The following NOP58 variants were observed in gnomAD, a reference collection of about 807,000 sequenced individuals.
NOP58 encodes nucleolar protein 58.
In NOP58, 44 loss-of-function variants were observed where a neutral mutation model predicts 71.2. The observed-to-expected ratio is 0.62, with a 90% CI of 0.49 to 0.79. The LOEUF is 0.79. NOP58 is among the 30% of genes least tolerant of loss of function. The pLI, the probability that NOP58 is intolerant of heterozygous loss-of-function variation, is 0.00. For synonymous variants in NOP58, 228 were observed against 200.3 expected, an observed-to-expected ratio of 1.14 and a Z score of -1.17; for missense variants, 538 against 620.2, an observed-to-expected ratio of 0.87 and a Z score of 1.41.
In NOP58 at chr2:202,289,331, C is replaced by G. The variant is rs576683570; in HGVS notation, c.500-992C>G. On this transcript the variant is annotated intron_variant, in intron 6 of 14. Coordinates refer to ENST00000264279, the MANE Select transcript of NOP58 (RefSeq NM_015934.5). ...GCTTGAATGTCCCTAATCTGAAATT[C>G]AAAATGCTCTGAAATCTAAAACTTT... 4.6e-5 allele frequency among the ~76,000 whole-genome samples: 7 copies of G among 152,298 alleles called. No homozygotes were observed. In the South Asian group the frequency reaches 1.4e-3, roughly 32 times the overall value.
chr2:202,283,517 T>G (rs1370348303), intron 4 of NOP58, among the ~76,000 whole-genome samples: 1 of 151,578 alleles, frequency 6.6e-6, no homozygotes, highest in Non-Finnish European at 1.5e-5. Context: ...CTTGGCTCAC[T>G]GCAACCTCCG....
intron 6 of NOP58, among the ~76,000 whole-genome samples, chr2:202,288,939 C>T (rs554379102): frequency 1.4e-4 from 22 of 151,894 alleles, no homozygotes; most frequent in East Asian, 7.7e-4. Context: ...GCTAACATGG[C>T]GAAACCCTGT....
At chr2:202,276,719 T>G (rs1688597481) in intron 2 of NOP58, among the ~76,000 whole-genome samples, 1 of 152,092 alleles carries the variant, frequency 6.6e-6, no homozygotes, top group Non-Finnish European at 1.5e-5. Context: ...ACACCTATAG[T>G]CCTAGCTGCT....
intron 9 of NOP58, among the ~76,000 whole-genome samples, chr2:202,295,200 A>G (rs1488295439): frequency 6.6e-6 from 1 of 152,230 alleles, no homozygotes; most frequent in Non-Finnish European, 1.5e-5. Context: ...GTAATTTACC[A>G]CACAAAGTGA....
chr2:202,295,132 G>A (rs1336564372), intron 9 of NOP58, among the ~76,000 whole-genome samples: 1 of 152,116 alleles, frequency 6.6e-6, no homozygotes, highest in African/African-American at 2.4e-5. Context: ...TTAAAACTTA[G>A]GAACTATTTA....
intron 1 of NOP58, among the ~76,000 whole-genome samples, chr2:202,274,127 G>A (rs938812332): frequency 6.6e-6 from 1 of 152,144 alleles, no homozygotes; most frequent in African/African-American, 2.4e-5. Context: ...CACAATTGAC[G>A]ATAGTTTTAG....
Position 202,288,940 on chromosome 2 carries a change from G to A in NOP58, c.499+1216G>A, listed in dbSNP as rs567939520. 6.6e-5 allele frequency among the ~76,000 whole-genome samples: 10 copies of A among 152,120 alleles called. No individual in the cohort carries two copies. The South Asian group carries it at 1.2e-3, about 19-fold the overall frequency. ...TTGAGAGCAGCCTGGCTAACATGGCGAAACCCTGTCTTTACTAAAAATACA... is the reference window on the plus strand; with the variant it reads ...TTGAGAGCAGCCTGGCTAACATGGCAAAACCCTGTCTTTACTAAAAATACA... On this transcript the variant is annotated intron_variant, in intron 6 of 14. Transcript: ENST00000264279.
chr2:202,272,401 G>A (rs1403649866), intron 1 of NOP58, among the ~76,000 whole-genome samples: 1 of 152,046 alleles, frequency 6.6e-6, no homozygotes. Flanking sequence ...TGATTCGCCC[G>A]CCTCAGCCTC....
Position 202,269,886 on chromosome 2 carries a change from A to G in NOP58, c.45+3900A>G, listed in dbSNP as rs2105835705. 2.6e-5 allele frequency among the ~76,000 whole-genome samples: 4 copies of G among 152,344 alleles called. No homozygotes were observed. In the South Asian group the frequency reaches 8.3e-4, roughly 32 times the overall value. The stretch of plus-strand genomic sequence containing the variant: ...CCATTAGTACGTATAACCATTTCAC[A>G]TGAGATGTAACTGATAGGACTGAGG... On this transcript the variant is annotated intron_variant, in intron 1 of 14. Transcript: ENST00000264279.
At position 202,291,160 on chromosome 2, in the gene NOP58, GAGTTGCTGCCAGAAGA is replaced by G. The variant is rs1459347420; in HGVS notation, c.676_691del (p.Leu226LysfsTer4). On this transcript the variant is annotated frameshift_variant, in exon 8 of 15. Transcript: ENST00000264279. LOFTEE classifies it high-confidence loss of function. ...GAACTATGCCTCTGCCAAGCTTTCT[GAGTTGCTGCCAGAAGA>G]AGTTGAAGCAGAAGTGAAAGCAGCT... 2.5e-6 allele frequency: 4 copies of G among 1,612,706 alleles called. No homozygotes were observed. The highest frequency in any genetic ancestry group is 3.4e-6 in the Non-Finnish European group (4 of 1,179,708).
intron 13 of NOP58, 115 bp from the exon 14 acceptor site, chr2:202,302,806 A>G (rs943711834): frequency 2.7e-5 from 37 of 1,384,962 alleles, no homozygotes; most frequent in Non-Finnish European, 3.6e-5. Context: ...TAAACAAAAC[A>G]AACATTGGGT....
At chr2:202,297,685 A>C (rs968151932) in intron 11 of NOP58, among the ~76,000 whole-genome samples, 160 bp from the exon 12 acceptor site, 2 of 152,238 alleles carry the variant, frequency 1.3e-5, no homozygotes, top group Non-Finnish European at 2.9e-5. Flanking sequence ...GAATTGATGT[A>C]TCCAACTGCA....
chr2:202,276,532 T>C lies in NOP58; in HGVS notation c.122+1343T>C, dbSNP rs200493066. 4.4e-4 allele frequency: 224 copies of C among 505,234 alleles called. 1 individual carries two copies. Among genetic ancestry groups the C allele is most frequent in the South Asian group, 3.1e-3 (220 of 70,082 alleles). The allele number at this position is 505,234 out of a possible 1,614,324, so 31.3% of individuals were successfully genotyped here. On this transcript the variant is annotated intron_variant, in intron 2 of 14. Coordinates refer to ENST00000264279, the MANE Select transcript of NOP58 (RefSeq NM_015934.5). The stretch of plus-strand genomic sequence containing the variant: ...GACAACGATGAATCAACTATATGTT[T>C]CTTTCTGGATAAAATACTACCCTGA...
chr2:202,292,342 G>A (rs1413599946), intron 8 of NOP58, among the ~76,000 whole-genome samples: 1 of 151,994 alleles, frequency 6.6e-6, no homozygotes, highest in African/African-American at 2.4e-5. Flanking sequence ...TTTTCAGGCA[G>A]TGGACCAAGT....
At chr2:202,283,392 G>A (rs1688738108) in intron 4 of NOP58, among the ~76,000 whole-genome samples, 2 of 151,200 alleles carry the variant, frequency 1.3e-5, no homozygotes, top group Admixed American at 1.3e-4. Context: ...AACACGCCCT[G>A]GCCTCCCAAA....
chr2:202,297,842 TAGATA>T lies in NOP58; in HGVS notation c.1208_1212del (p.Ile403LysfsTer16), dbSNP rs778763461. On this transcript the variant is annotated splice_acceptor_variant and coding_sequence_variant, in exon 12 of 15. Coordinates refer to ENST00000264279, the MANE Select transcript of NOP58 (RefSeq NM_015934.5). LOFTEE classifies it high-confidence loss of function. ...TATTTGTAATTTTTCGTTTTCTTCT[TAGATA>T]AGAAAAATAAGTGGAACAGGAAAAG... The T allele has an allele frequency of 1.3e-6, 2 of 1,536,964 alleles. No homozygotes were observed. Among genetic ancestry groups the T allele is most frequent in the Non-Finnish European group, 1.8e-6 (2 of 1,125,820 alleles).
intron 2 of NOP58, among the ~76,000 whole-genome samples, chr2:202,276,873 T>C (rs898650272): frequency 7.9e-5 from 12 of 151,908 alleles, no homozygotes; most frequent in African/African-American, 2.9e-4. Context: ...GCACGGTGGC[T>C]CACGCTTGTA....
chr2:202,275,336 A>G (rs1461228281), intron 2 of NOP58, 147 bp downstream of exon 2: 2 of 567,334 alleles, frequency 3.5e-6, no homozygotes, highest in Non-Finnish European at 6.4e-6. Context: ...GAACCTAATT[A>G]TTACAAATGT....
chr2:202,300,628 A>G (rs1267452971), intron 13 of NOP58, among the ~76,000 whole-genome samples: 1 of 152,210 alleles, frequency 6.6e-6, no homozygotes, highest in Non-Finnish European at 1.5e-5. Flanking sequence ...TACATGAACT[A>G]TTTGGAGAAT....
Sources: allele counts gnomAD v4.1 joint callset (sites outside exome capture counted in the v4.1 genomes callset), GRCh38; gene constraint gnomAD v4.1.1; transcripts MANE v1.5; gene names NCBI Gene and HGNC (gene_info 2026-07-23, HGNC 2026-07-21).